Variants in DTX1 observed in about 807,000 individuals in gnomAD.
The protein encoded by DTX1 is deltex E3 ubiquitin ligase 1, also known as E3 ubiquitin-protein ligase DTX1.
Under a neutral mutation model 57.8 loss-of-function variants are expected in DTX1, and 26 were observed. The ratio of observed to expected loss-of-function variants is 0.45; its 90% CI spans 0.33 to 0.62. The LOEUF (loss-of-function observed/expected upper bound fraction) is 0.62, where lower values mean the gene tolerates loss of function less well. Ranked by LOEUF, DTX1 falls within the 20% of genes least tolerant of loss-of-function variation. The pLI is 0.02. For missense variants in DTX1, 704 were observed against 895.3 expected (o/e 0.79, Z 2.73); for synonymous variants, 398 against 394.1 (o/e 1.01, Z -0.12).
chr12:113,084,319 G>A (rs971907764), intron 3 of DTX1, among the ~76,000 whole-genome samples: 6 of 152,228 alleles, frequency 3.9e-5, no homozygotes, highest in Non-Finnish European at 7.3e-5. Flanking sequence ...TGGGTGGGAG[G>A]ACAGTGATAG....
chr12:113,079,135 G>C (rs2044796739), intron 3 of DTX1, among the ~76,000 whole-genome samples: 1 of 152,090 alleles, frequency 6.6e-6, no homozygotes, highest in African/African-American at 2.4e-5. Context: ...TCCAGATTCA[G>C]TCATCTGAGC....
At chr12:113,066,570 C>A (rs902746338) in intron 2 of DTX1, among the ~76,000 whole-genome samples, 1 of 151,468 alleles carries the variant, frequency 6.6e-6, no homozygotes, top group Non-Finnish European at 1.5e-5. Flanking sequence ...AGATTTGTGA[C>A]CTTAAGTAAA....
intron 1 of DTX1, among the ~76,000 whole-genome samples, 195 bp from the exon 2 acceptor site, chr12:113,057,254 G>T (rs1288129323): frequency 1.3e-5 from 2 of 152,048 alleles, no homozygotes; most frequent in African/African-American, 4.8e-5. Flanking sequence ...GGAGAGTCTC[G>T]GAAAACCGCG....
chr12:113,083,006 C>T (rs2044829381), intron 3 of DTX1, among the ~76,000 whole-genome samples: 1 of 152,194 alleles, frequency 6.6e-6, no homozygotes, highest in African/African-American at 2.4e-5. Flanking sequence ...GACTAGAAGT[C>T]CGAGATCACG....
rs1260156120 is a variant in DTX1, at chr12:113,077,357, G to A, written c.260-67G>A. On this transcript the variant is annotated intron_variant, in intron 2 of 9. Coordinates refer to ENST00000548759, the MANE Select transcript of DTX1 (RefSeq NM_004416.3). This position sits in a 1 kb window ranked among gnomAD's most constrained non-coding sequence, Gnocchi z 7.8. ...TCCCGCCCACCCTTGCCTGGCTGTG[G>A]CCCGCCCTTCCAGCCGCGCAGACCA... 1.3e-6 allele frequency: 2 copies of A among 1,518,722 alleles called. No individual in the cohort carries two copies. The highest frequency in any genetic ancestry group is 1.3e-5 in the South Asian group (1 of 76,904). The allele number at this position is 1,518,722 out of a possible 1,614,324, so 94.1% of individuals were successfully genotyped here. A position where few individuals can be genotyped will look rare whatever the true frequency, so the allele number is the denominator to read the frequency against.
At chr12:113,071,023 A>G (rs574907502) in intron 2 of DTX1, among the ~76,000 whole-genome samples, 6 of 152,360 alleles carry the variant, frequency 3.9e-5, no homozygotes, top group African/African-American at 1.2e-4. Context: ...CTGATTCTCC[A>G]TGATGGTCTC....
chr12:113,082,889 C>A (rs367624510), intron 3 of DTX1, among the ~76,000 whole-genome samples: 1 of 152,216 alleles, frequency 6.6e-6, no homozygotes, highest in African/African-American at 2.4e-5. Context: ...TGAGCCACAG[C>A]GACTGGCCTG....
At chr12:113,084,674 T>C (rs2044842929) in intron 3 of DTX1, among the ~76,000 whole-genome samples, 1 of 152,242 alleles carries the variant, frequency 6.6e-6, no homozygotes, top group African/African-American at 2.4e-5. Flanking sequence ...CATGAACCAC[T>C]GTGTCTGGCC....
intron 2 of DTX1, among the ~76,000 whole-genome samples, chr12:113,069,149 T>A (rs1392521048): frequency 6.6e-6 from 1 of 152,238 alleles, no homozygotes; most frequent in East Asian, 1.9e-4. Flanking sequence ...TTATCATTAT[T>A]ATTTTATTAT....
chr12:113,060,400 T>A (rs953152350), intron 2 of DTX1, among the ~76,000 whole-genome samples: 3 of 151,190 alleles, frequency 2.0e-5, no homozygotes, highest in African/African-American at 7.3e-5. Flanking sequence ...TCCGAGAGCA[T>A]GAACTAAACC....
chr12:113,062,320 A>G (rs560749938), intron 2 of DTX1, among the ~76,000 whole-genome samples: 1 of 152,294 alleles, frequency 6.6e-6, no homozygotes, highest in East Asian at 1.9e-4. Flanking sequence ...ATTCAACTCT[A>G]TCGGAGCAGA....
At chr12:113,073,534 A>G (rs1371005746) in intron 2 of DTX1, among the ~76,000 whole-genome samples, 1 of 151,512 alleles carries the variant, frequency 6.6e-6, no homozygotes, top group Non-Finnish European at 1.5e-5. Flanking sequence ...CAACCTCTCC[A>G]CCTCTTCAAC....
chr12:113,094,081 GA>G lies in DTX1; in HGVS notation c.1214del (p.Asn405ThrfsTer197). On this transcript the variant is annotated frameshift_variant, in exon 6 of 10. Coordinates refer to ENST00000548759, the MANE Select transcript of DTX1 (RefSeq NM_004416.3). LOFTEE classifies it high-confidence loss of function. The part of the protein sequence containing the change: ...DVVRRYMQKV[K>X]NPPDEDCTIC... ...TGGTTCGAAGATACATGCAGAAGGT[GA>G]AAAACCCACCTGATGAGGTGAGGAG... is the stretch of plus-strand genomic sequence containing the variant. The G allele has an allele frequency of 8.5e-7, 1 of 1,177,744 alleles. No individual in the cohort carries two copies. The highest frequency in any genetic ancestry group is 1.2e-6 in the Non-Finnish European group (1 of 853,606). The allele number at this position is 1,177,744 out of a possible 1,614,324, so 73.0% of individuals were successfully genotyped here.
chr12:113,080,066 G>A (rs891780253), intron 3 of DTX1, among the ~76,000 whole-genome samples: 1 of 146,652 alleles, frequency 6.8e-6, no homozygotes, highest in South Asian at 2.2e-4. Context: ...CATGGAGGGC[G>A]GGGAAGCTGT....
chr12:113,080,419 G>C (rs1390112358), intron 3 of DTX1, among the ~76,000 whole-genome samples: 1 of 152,186 alleles, frequency 6.6e-6, no homozygotes, highest in Non-Finnish European at 1.5e-5. Flanking sequence ...TGACAGGCTA[G>C]GGGGAGTGTG....
rs987764919 is a variant in DTX1, at chr12:113,093,011, G to A, written c.942-151G>A. 31 of 721,552 alleles carry A rather than the reference G, an allele frequency of 4.3e-5. No individual in the cohort carries two copies. The highest frequency in any genetic ancestry group is 6.2e-5 in the Non-Finnish European group (27 of 438,616). 44.7% of individuals were successfully genotyped at this position (721,552 alleles called of 1,614,324 possible). A position where few individuals can be genotyped will look rare whatever the true frequency, so the allele number is the denominator to read the frequency against. The stretch of plus-strand genomic sequence containing the variant: ...CCATAATAGGATGTCAGAGTAGAAA[G>A]AGAGTTTCCTGGAGGTAACTGCAGT... On this transcript the variant is annotated intron_variant, in intron 3 of 9. Coordinates refer to ENST00000548759, the MANE Select transcript of DTX1 (RefSeq NM_004416.3). The surrounding 1 kb of genome is among the most constrained non-coding windows in gnomAD (Gnocchi z 4.2).
intron 2 of DTX1, among the ~76,000 whole-genome samples, chr12:113,074,709 C>T (rs905292892): frequency 6.3e-4 from 96 of 152,164 alleles, no homozygotes; most frequent in African/African-American, 2.1e-3. Flanking sequence ...GAGTCTACTG[C>T]AATGGTCCAG....
Position 113,077,367 on chromosome 12 carries a change from C to G in DTX1, c.260-57C>G, listed in dbSNP as rs897103618. 37 of 1,489,706 alleles carry G rather than the reference C, an allele frequency of 2.5e-5. No homozygotes were observed. Among genetic ancestry groups the G allele is most frequent in the Non-Finnish European group, 3.2e-5 (36 of 1,118,556 alleles). 92.3% of individuals were successfully genotyped at this position (1,489,706 alleles called of 1,614,324 possible). A position where few individuals can be genotyped will look rare whatever the true frequency, so the allele number is the denominator to read the frequency against. Reference sequence around the variant, plus strand: ...CCTTGCCTGGCTGTGGCCCGCCCTTCCAGCCGCGCAGACCAACGCCCGCTG... The same window carrying G: ...CCTTGCCTGGCTGTGGCCCGCCCTTGCAGCCGCGCAGACCAACGCCCGCTG... On this transcript the variant is annotated intron_variant, in intron 2 of 9. Transcript: ENST00000548759. The surrounding 1 kb of genome is among the most constrained non-coding windows in gnomAD (Gnocchi z 7.8).
intron 2 of DTX1, among the ~76,000 whole-genome samples, chr12:113,075,252 T>G (rs2044763684): frequency 6.6e-6 from 1 of 152,156 alleles, no homozygotes; most frequent in Admixed American, 6.5e-5. Context: ...AGTCAGAAAG[T>G]CAGGACTTGA....
Sources: allele counts gnomAD v4.1 joint callset (sites outside exome capture counted in the v4.1 genomes callset), GRCh38; gene constraint gnomAD v4.1.1; non-coding constraint Gnocchi (gnomAD v3.1); transcripts MANE v1.5; gene names NCBI Gene and HGNC (gene_info 2026-07-23, HGNC 2026-07-21).